Variants in MARF1 observed in about 807,000 individuals in gnomAD.
The protein encoded by MARF1 is meiosis regulator and mRNA stability factor 1, also known as limkain-b1.
In MARF1, 24 loss-of-function variants were observed where a neutral mutation model predicts 168.2. The observed-to-expected ratio is 0.14, with a 90% CI of 0.10 to 0.20. The LOEUF (loss-of-function observed/expected upper bound fraction) is 0.20. Ranked by LOEUF, MARF1 falls within the 10% of genes least tolerant of loss-of-function variation. MARF1 has a pLI of 1.00. For missense variants in MARF1, 1,744 were observed against 2,143.6 expected (o/e 0.81, Z 3.68); for synonymous variants, 868 against 822.4 (o/e 1.06, Z -0.95).
intron 13 of MARF1, 30 bp downstream of exon 13, chr16:15,620,421 C>T (rs552869307): frequency 7.0e-7 from 1 of 1,427,644 alleles, no homozygotes; most frequent in Non-Finnish European, 9.9e-7. Flanking sequence ...TCAGTACTGA[C>T]TGGATAAAGA....
chr16:15,620,918 C>A (rs776209702), intron 12 of MARF1, among the ~76,000 whole-genome samples: 6 of 152,144 alleles, frequency 3.9e-5, no homozygotes, highest in African/African-American at 1.4e-4. Flanking sequence ...TTTTAAAAAA[C>A]CAGAGGCACC....
Position 15,616,022 on chromosome 16 carries a change from C to T in MARF1, c.3078-17G>A. ...TCTGGAAAGCTGAAATAGGAAAAAA[C>T]AACAAAAAAAGGAAAGGTTAAATCA... On this transcript the variant is annotated splice_polypyrimidine_tract_variant and intron_variant, in intron 15 of 26. Coordinates refer to ENST00000396368, the MANE Select transcript of MARF1 (RefSeq NM_014647.4). The T allele has an allele frequency of 6.8e-7, 1 of 1,464,180 alleles. No homozygotes were observed. Among genetic ancestry groups the T allele is most frequent in the Non-Finnish European group, 9.1e-7 (1 of 1,100,222 alleles). 90.7% of individuals were successfully genotyped at this position (1,464,180 alleles called of 1,614,324 possible).
chr16:15,608,301 T>G lies in MARF1; in HGVS notation c.4172A>C (p.His1391Pro). ...AAAAAAAACATTTACCTTCACGACA[T>G]GGCAGAGTTTCTGAGTTAAAGCCGA... is the stretch of plus-strand genomic sequence containing the variant. ...SISALTQKLC[H>P]VVKVADIESG... is the part of the protein sequence containing the mutation. Residue 1391 changes from histidine (H) to proline (P), a missense_variant, in exon 21 of 27, where the codon CAT (histidine) becomes CCT (proline). His to Pro is a moderately conservative substitution (Grantham distance 77). Transcript: ENST00000396368. The G allele has an allele frequency of 7.7e-7, 1 of 1,297,442 alleles. No homozygotes were observed. Among genetic ancestry groups the G allele is most frequent in the Non-Finnish European group, 1.1e-6 (1 of 903,192 alleles). 80.4% of individuals were successfully genotyped at this position (1,297,442 alleles called of 1,614,324 possible). A position where few individuals can be genotyped will look rare whatever the true frequency, so the allele number is the denominator to read the frequency against.
Position 15,595,027 on chromosome 16 carries a change from G to A in MARF1, c.*1666C>T, listed in dbSNP as rs918445551. The A allele has an allele frequency of 1.3e-5, 2 of 152,542 alleles. No homozygotes were observed. Among genetic ancestry groups the A allele is most frequent in the African/African-American group, 4.8e-5 (2 of 41,402 alleles). 9.4% of individuals were successfully genotyped at this position (152,542 alleles called of 1,614,324 possible). A position where few individuals can be genotyped will look rare whatever the true frequency, so the allele number is the denominator to read the frequency against. On this transcript the variant is annotated 3_prime_UTR_variant, in exon 27 of 27. Transcript: ENST00000396368. ...TATGAAATCTTAGAATAAGGCAACT[G>A]ATGTTCTCAACACCAATTATTATTA... is the stretch of plus-strand genomic sequence containing the variant.
At chr16:15,610,866 A>C in intron 19 of MARF1, 109 bp downstream of exon 19, 2 of 1,047,718 alleles carry the variant, frequency 1.9e-6, no homozygotes, top group Non-Finnish European at 2.8e-6. Flanking sequence ...CTTTCTGTGG[A>C]ATCTTCAGGA....
At chr16:15,601,836 A>C (rs1296883684) in intron 23 of MARF1, 155 bp downstream of exon 23, 1 of 689,128 alleles carries the variant, frequency 1.5e-6, no homozygotes, top group East Asian at 2.5e-5. Context: ...AGAAATGCTA[A>C]AATCATTTAC....
intron 8 of MARF1, 46 bp from the exon 9 acceptor site, chr16:15,625,219 G>C (rs2151215128): frequency 6.2e-7 from 1 of 1,601,326 alleles, no homozygotes; most frequent in Middle Eastern, 1.7e-4. Flanking sequence ...AAGTACCCAA[G>C]ATGTGTTAGA....
intron 20 of MARF1, 144 bp downstream of exon 20, chr16:15,609,379 T>C (rs1596453858): frequency 1.6e-6 from 1 of 630,110 alleles, no homozygotes; most frequent in Admixed American, 3.3e-5. Context: ...GTCAGGAATA[T>C]GGCTTCTCTG....
rs1210069442 is a variant in MARF1, at chr16:15,625,171, C to T, written c.1956G>A (p.Glu652=). The change falls in exon 9 of 27, where the codon GAG becomes GAA. Residue 652 remains glutamate (E), a splice_region_variant and synonymous_variant. Transcript: ENST00000396368. ...TKNTNVKSLQ[E]LCRMESKTGH... is the part of the protein sequence containing the mutation. ...CAGTTTTTGACTCCATGCGGCACAG[C>T]TCCTTCAAAGACACAAGCACAGTGG... The T allele has an allele frequency of 1.9e-6, 3 of 1,613,868 alleles. No homozygotes were observed. Among genetic ancestry groups the T allele is most frequent in the Non-Finnish European group, 1.7e-6 (2 of 1,179,896 alleles).
At chr16:15,621,092 C>A (rs890080823) in intron 12 of MARF1, among the ~76,000 whole-genome samples, 2 of 149,330 alleles carry the variant, frequency 1.3e-5, no homozygotes, top group Admixed American at 1.3e-4. Flanking sequence ...CATTTTTATT[C>A]TGAGAACAAC....
Position 15,599,014 on chromosome 16 carries a change from G to T in MARF1, c.4824C>A (p.His1608Gln). The part of the protein sequence containing the change: ...KLGADGSGPS[H>Q]TEQELLRLTD... ...TCAGGCGGAGAAGCTCCTGCTCTGT[G>T]TGACTGGGCCCTGGGCAAACAAGGA... Residue 1608 changes from histidine (H) to glutamine (Q), a missense_variant, in exon 26 of 27, where the codon CAC becomes CAA. Physicochemically the swap from His to Gln is conservative, Grantham distance 24 (BLOSUM62 0). This residue lies in a region of MARF1 where 313 missense variants were observed against 337.4 expected (regional missense o/e 0.93). Transcript: ENST00000396368. The T allele has an allele frequency of 6.2e-7, 1 of 1,607,954 alleles. No homozygotes were observed. The highest frequency in any genetic ancestry group is 8.5e-7 in the Non-Finnish European group (1 of 1,177,568).
At chr16:15,616,148 T>C (rs2034027024) in intron 15 of MARF1, 143 bp from the exon 16 acceptor site, 1 of 623,970 alleles carries the variant, frequency 1.6e-6, no homozygotes, top group East Asian at 3.3e-5. Context: ...AAGGTTAAAA[T>C]TAAGGACCCA....
At chr16:15,606,608 C>T (rs1208039810) in intron 21 of MARF1, among the ~76,000 whole-genome samples, 2 of 152,086 alleles carry the variant, frequency 1.3e-5, no homozygotes, top group Non-Finnish European at 2.9e-5. Context: ...AGAGGACTCC[C>T]TTCTATTCCT....
chr16:15,622,054 A>G, intron 11 of MARF1, 143 bp from the exon 12 acceptor site: 2 of 715,610 alleles, frequency 2.8e-6, no homozygotes, highest in Non-Finnish European at 4.5e-6. Flanking sequence ...TCTTCTGCTG[A>G]CCAGGACGTA....
chr16:15,617,206 T>C (rs767796228), intron 14 of MARF1, 35 bp from the exon 15 acceptor site: 22 of 1,612,690 alleles, frequency 1.4e-5, no homozygotes, highest in Non-Finnish European at 1.8e-5. Context: ...AAGCTGACAT[T>C]CCGCAGGGGT....
At chr16:15,631,308 C>T (rs1596495233) in intron 6 of MARF1, 73 bp downstream of exon 6, 2 of 1,016,616 alleles carry the variant, frequency 2.0e-6, no homozygotes, top group South Asian at 1.3e-5. Flanking sequence ...TTTACTTTCA[C>T]ATGTTGCTGG....
At chr16:15,613,024 C>G (rs1218204122) in intron 16 of MARF1, among the ~76,000 whole-genome samples, 1 of 152,160 alleles carries the variant, frequency 6.6e-6, no homozygotes, top group Non-Finnish European at 1.5e-5. Context: ...CAAGGTAAAG[C>G]AGAGTCTACT....
At chr16:15,612,800 A>T in intron 16 of MARF1, 23 bp from the exon 17 acceptor site, 2 of 1,593,414 alleles carry the variant, frequency 1.3e-6, no homozygotes, top group Non-Finnish European at 1.7e-6. Flanking sequence ...GAACGTGTAT[A>T]AGACAGAAAG....
chr16:15,628,273 A>T (rs1418969487), intron 7 of MARF1, among the ~76,000 whole-genome samples: 2 of 152,138 alleles, frequency 1.3e-5, no homozygotes, highest in Non-Finnish European at 2.9e-5. Flanking sequence ...ACATTTTTTA[A>T]ATCTGGAGGG....
Sources: allele counts gnomAD v4.1 joint callset (sites outside exome capture counted in the v4.1 genomes callset), GRCh38; gene constraint gnomAD v4.1.1; regional missense constraint gnomAD v4.1.1; transcripts MANE v1.5; gene names NCBI Gene and HGNC (gene_info 2026-07-23, HGNC 2026-07-21).